GRIA1: variants seen among roughly 807,000 people sequenced by gnomAD.
GRIA1 encodes glutamate ionotropic receptor AMPA type subunit 1, also known as glutamate receptor 1.
A neutral mutation model predicts 99.2 loss-of-function variants in GRIA1; 31 were observed. The observed-to-expected ratio is 0.31, with a 90% confidence interval of 0.23 to 0.42. The LOEUF (loss-of-function observed/expected upper bound fraction) is 0.42, where lower values mean the gene tolerates loss of function less well. Among genes scored for constraint, GRIA1 ranks in the 10% least tolerant of loss-of-function variants. GRIA1 has a pLI of 1.00. For missense variants in GRIA1, 782 were observed against 1,157.5 expected, an observed-to-expected ratio of 0.68 and a Z score of 4.71; for synonymous variants, 438 against 432.4, an observed-to-expected ratio of 1.01 and a Z score of -0.16.
chr5:153,724,058 A>G (rs527363340), intron 11 of GRIA1, among the ~76,000 whole-genome samples: 24 of 152,200 alleles, frequency 1.6e-4, no homozygotes, highest in Non-Finnish European at 2.5e-4. Flanking sequence ...CTTCCAGAGG[A>G]ACGATCAGAC....
At chr5:153,597,604 G>A (rs1764539487) in intron 2 of GRIA1, among the ~76,000 whole-genome samples, 1 of 152,164 alleles carries the variant, frequency 6.6e-6, no homozygotes, top group Non-Finnish European at 1.5e-5. Flanking sequence ...GTACATAGAA[G>A]CACTCTTAAA....
At chr5:153,492,028 G>T in intron 1 of GRIA1, 1 of 834,780 alleles carries the variant, frequency 1.2e-6, no homozygotes, top group Non-Finnish European at 1.7e-6. Context: ...GTCCCGGAAT[G>T]AAGCAAGCTG....
In GRIA1 at chr5:153,764,058, T is replaced by A. The variant is rs1391568742; in HGVS notation, c.1824-376T>A. Among the ~76,000 whole-genome samples, 5 of 152,180 alleles carry A rather than the reference T, an allele frequency of 3.3e-5. No homozygotes were observed. The South Asian group carries it at 8.3e-4, about 25-fold the overall frequency. On this transcript the variant is annotated intron_variant, in intron 11 of 15. Transcript: ENST00000285900. The stretch of plus-strand genomic sequence containing the variant: ...GTATAAATGCATTTGCATTCATACA[T>A]GTTTGCACAAAACATTTGCTGTGTA...
chr5:153,762,953 A>G (rs546588716), intron 11 of GRIA1, among the ~76,000 whole-genome samples: 1 of 152,280 alleles, frequency 6.6e-6, no homozygotes, highest in African/African-American at 2.4e-5. Flanking sequence ...ATGTCTCTTC[A>G]AGTCTCTTCA....
chr5:153,608,512 C>T (rs1202780752), intron 2 of GRIA1, among the ~76,000 whole-genome samples: 1 of 152,152 alleles, frequency 6.6e-6, no homozygotes, highest in Non-Finnish European at 1.5e-5. Context: ...TTTTTGGCTG[C>T]ACCTAATCTG....
chr5:153,590,162 G>A (rs953513966), intron 2 of GRIA1, among the ~76,000 whole-genome samples: 1 of 152,120 alleles, frequency 6.6e-6, no homozygotes, highest in Non-Finnish European at 1.5e-5. Context: ...AATATAATTT[G>A]TCAACATTGT....
chr5:153,763,084 C>G (rs921337053), intron 11 of GRIA1, among the ~76,000 whole-genome samples: 4 of 152,188 alleles, frequency 2.6e-5, no homozygotes, highest in Non-Finnish European at 5.9e-5. Flanking sequence ...CCGTGTGAAA[C>G]GCCTAGGAGC....
intron 2 of GRIA1, among the ~76,000 whole-genome samples, chr5:153,629,014 A>G (rs577497161): frequency 8.5e-5 from 13 of 152,312 alleles, no homozygotes; most frequent in African/African-American, 2.9e-4. Context: ...TGTTTTACCA[A>G]TGAGAACCTC....
At chr5:153,706,225 G>C (rs1030187459) in intron 11 of GRIA1, 158 bp downstream of exon 11, 1 of 710,596 alleles carries the variant, frequency 1.4e-6, no homozygotes, top group East Asian at 2.7e-5. Flanking sequence ...TCCATTGCAC[G>C]CTGTGGATTA....
rs1301363108 is a variant in GRIA1 at position 153,770,159 on chromosome 5, C to A, written c.2023-9C>A. 6.2e-7 allele frequency: 1 copy of A among 1,613,214 alleles called. No individual in the cohort carries two copies. On this transcript the variant is annotated splice_polypyrimidine_tract_variant and intron_variant, in intron 12 of 15. Transcript: ENST00000285900. ...CACTTAATTCCAGCTTTGTTTCTGT[C>A]CCTACCAGAGGTCTAAAATTGCTGT...
At chr5:153,693,972 G>A (rs1045791801) in intron 8 of GRIA1, among the ~76,000 whole-genome samples, 1 of 152,166 alleles carries the variant, frequency 6.6e-6, no homozygotes, top group South Asian at 2.1e-4. Context: ...ATGAGGCATA[G>A]GCATGAGGCT....
intron 2 of GRIA1, among the ~76,000 whole-genome samples, chr5:153,632,605 T>C (rs1423798135): frequency 6.6e-6 from 1 of 152,184 alleles, no homozygotes; most frequent in Non-Finnish European, 1.5e-5. Flanking sequence ...TATCTAGGAC[T>C]TTGGTAAGCT....
intron 2 of GRIA1, among the ~76,000 whole-genome samples, chr5:153,635,147 C>T (rs966614048): frequency 3.3e-5 from 5 of 152,116 alleles, no homozygotes; most frequent in South Asian, 2.1e-4. Flanking sequence ...CCCATTTGCA[C>T]GTATGACTTT....
At position 153,687,735 on chromosome 5, in the gene GRIA1, G is replaced by A. The variant is rs144478564; in HGVS notation, c.1134+1406G>A. On this transcript the variant is annotated intron_variant, in intron 8 of 15. Coordinates refer to ENST00000285900, the MANE Select transcript of GRIA1 (RefSeq NM_000827.4). The stretch of plus-strand genomic sequence containing the variant: ...TTAAAGTTCTCTTTGTCCACTCTCC[G>A]TCCTCACCTCCCTTAAACCTGTCTT... Among the ~76,000 whole-genome samples the A allele has an allele frequency of 4.8e-3, 732 of 152,168 alleles. 6 individuals carry two copies. The highest frequency in any genetic ancestry group is 7.2e-3 in the Non-Finnish European group (493 of 68,004).
At chr5:153,721,204 T>C (rs1452284782) in intron 11 of GRIA1, among the ~76,000 whole-genome samples, 2 of 152,248 alleles carry the variant, frequency 1.3e-5, no homozygotes, top group Non-Finnish European at 2.9e-5. Flanking sequence ...TTCATGGTGA[T>C]GCTTGTTTTT....
At chr5:153,517,652 C>A (rs953751437) in intron 2 of GRIA1, among the ~76,000 whole-genome samples, 1 of 152,206 alleles carries the variant, frequency 6.6e-6, no homozygotes, top group Non-Finnish European at 1.5e-5. Context: ...ACATCTAGTT[C>A]ATCAGCAAGT....
intron 2 of GRIA1, among the ~76,000 whole-genome samples, chr5:153,544,340 G>A (rs1043827527): frequency 1.3e-4 from 20 of 152,110 alleles, no homozygotes; most frequent in African/African-American, 4.8e-4. Context: ...GTCTGAGGGA[G>A]ATATCTTCTA....
chr5:153,617,294 C>G (rs529283009), intron 2 of GRIA1, among the ~76,000 whole-genome samples: 1 of 152,276 alleles, frequency 6.6e-6, no homozygotes, highest in Admixed American at 6.5e-5. Flanking sequence ...AGTGTATGTG[C>G]CTGATGGCTA....
intron 2 of GRIA1, among the ~76,000 whole-genome samples, chr5:153,535,896 G>A (rs1758523495): frequency 6.6e-6 from 1 of 152,192 alleles, no homozygotes; most frequent in Admixed American, 6.5e-5. Context: ...CCTCTAATCT[G>A]TCACGCTGTC....
Sources: allele counts gnomAD v4.1 joint callset (sites outside exome capture counted in the v4.1 genomes callset), GRCh38; gene constraint gnomAD v4.1.1; transcripts MANE v1.5; gene names NCBI Gene and HGNC (gene_info 2026-07-23, HGNC 2026-07-21).